AGAP1: variants seen among roughly 807,000 people sequenced by gnomAD.
AGAP1 encodes ArfGAP with GTPase domain, ankyrin repeat and PH domain 1.
Under a neutral mutation model 105.3 loss-of-function variants are expected in AGAP1, and 29 were observed. That is an observed-to-expected ratio of 0.28 (90% CI 0.21 to 0.38). The LOEUF (loss-of-function observed/expected upper bound fraction) is 0.38. AGAP1 is among the 10% of genes least tolerant of loss of function. AGAP1 has a pLI of 1.00. For synonymous variants in AGAP1, 509 were observed against 485.9 expected, an observed-to-expected ratio of 1.05 and a Z score of -0.63; for missense variants, 998 against 1,165.1, an observed-to-expected ratio of 0.86 and a Z score of 2.09.
At position 235,494,726 on chromosome 2, in the gene AGAP1, C is replaced by T. The variant is rs1418853145; in HGVS notation, c.40C>T (p.Arg14Trp). ...GCAGCTGGCCAACTCGGCTGCCATC[C>T]GGGCCGAGATCCAGCGCTTCGAGTC... ...QQQLANSAAI[R>W]AEIQRFESVH... The change falls in exon 1 of 18, where the codon CGG (arginine) becomes TGG (tryptophan). Residue 14 changes from arginine to tryptophan, a missense_variant. Coordinates refer to ENST00000304032, the MANE Select transcript of AGAP1 (RefSeq NM_001037131.3). 2.6e-6 allele frequency: 4 copies of T among 1,562,404 alleles called. No individual in the cohort carries two copies. Among genetic ancestry groups the T allele is most frequent in the Non-Finnish European group, 1.7e-6 (2 of 1,154,484 alleles).
At chr2:235,685,778 T>G (rs1949348512) in intron 1 of AGAP1, among the ~76,000 whole-genome samples, 1 of 152,120 alleles carries the variant, frequency 6.6e-6, no homozygotes, top group South Asian at 2.1e-4. Flanking sequence ...GAAAGTTTAC[T>G]TTGCCAAGGT....
intron 1 of AGAP1, among the ~76,000 whole-genome samples, chr2:235,499,794 C>T (rs1434877163): frequency 6.6e-6 from 1 of 152,232 alleles, no homozygotes; most frequent in East Asian, 1.9e-4. Context: ...GCTGGGAGGT[C>T]TGGAAGCTGG....
chr2:236,040,901 A>C lies in AGAP1; in HGVS notation c.1891+60A>C, dbSNP rs1350645817. 1 of 1,572,470 alleles carries C rather than the reference A, an allele frequency of 6.4e-7. No homozygotes were observed. Among genetic ancestry groups the C allele is most frequent in the African/African-American group, 1.4e-5 (1 of 74,054 alleles). ...GTGTAGCTGGAGACCACATGGTCCC[A>C]CTAGGCCCGGGTTGCAGGGGACTCA... is the stretch of plus-strand genomic sequence containing the variant. On this transcript the variant is annotated intron_variant, in intron 15 of 17. Coordinates refer to ENST00000304032, the MANE Select transcript of AGAP1 (RefSeq NM_001037131.3). The surrounding 1 kb of genome is among the most constrained non-coding windows in gnomAD (Gnocchi z 5.6).
rs80250961 is a variant in AGAP1 at position 236,002,383 on chromosome 2, C to A, written c.1645+33760C>A. ...TTTCCTTCTTCCCTCATCCCCTTTC[C>A]CATCCTCACTCTCTTCCAAGTATCT... On this transcript the variant is annotated intron_variant, in intron 13 of 17. Transcript: ENST00000304032. This position sits in a 1 kb window ranked among gnomAD's most constrained non-coding sequence, Gnocchi z 4.3. Among the ~76,000 whole-genome samples the A allele has an allele frequency of 5.4e-3, 830 of 152,318 alleles. 6 individuals are homozygous for A. Among genetic ancestry groups the A allele is most frequent in the Non-Finnish European group, 8.8e-3 (596 of 68,040 alleles).
In AGAP1 at chr2:236,058,120, G is replaced by C. The variant is rs1261178587; in HGVS notation, c.2114+8839G>C. On this transcript the variant is annotated intron_variant, in intron 16 of 17. Transcript: ENST00000304032. This position sits in a 1 kb window ranked among gnomAD's most constrained non-coding sequence, Gnocchi z 4.6. ...CCTAGGGGGTAGGGTCCAGTGGTGT[G>C]TTTTAACTCTCTAGGTAATTCTTAT... Among the ~76,000 whole-genome samples, 1 of 152,202 alleles carries C rather than the reference G, an allele frequency of 6.6e-6. No individual in the cohort carries two copies. Among genetic ancestry groups the C allele is most frequent in the Non-Finnish European group, 1.5e-5 (1 of 68,028 alleles).
intron 1 of AGAP1, among the ~76,000 whole-genome samples, chr2:235,706,431 T>C (rs907553140): frequency 3.9e-5 from 6 of 152,078 alleles, no homozygotes; most frequent in African/African-American, 7.2e-5. Context: ...GGTTTCACCA[T>C]GTTAGCCAGG....
At chr2:235,918,849 G>A (rs541180810) in intron 11 of AGAP1, among the ~76,000 whole-genome samples, 1 of 152,116 alleles carries the variant, frequency 6.6e-6, no homozygotes, top group East Asian at 1.9e-4. Context: ...CTAAATTAAG[G>A]ATAGCTTCAA....
In AGAP1 at chr2:235,719,572, G is replaced by A. The variant is rs1355315290; in HGVS notation, c.310+1928G>A. ...TACTGCACTGAAATTTCATAGTATT[G>A]TGTATGGTTTTTAAAAATACATTAT... On this transcript the variant is annotated intron_variant, in intron 3 of 17. Coordinates refer to ENST00000304032, the MANE Select transcript of AGAP1 (RefSeq NM_001037131.3). The surrounding 1 kb of genome is among the most constrained non-coding windows in gnomAD (Gnocchi z 4.9). Among the ~76,000 whole-genome samples the A allele has an allele frequency of 1.3e-5, 2 of 152,208 alleles. No individual in the cohort carries two copies. The highest frequency in any genetic ancestry group is 2.9e-5 in the Non-Finnish European group (2 of 68,042).
chr2:235,528,699 C>T (rs767344372), intron 1 of AGAP1, among the ~76,000 whole-genome samples: 4 of 152,076 alleles, frequency 2.6e-5, no homozygotes, highest in Admixed American at 2.6e-4. Flanking sequence ...TTTGAGAAGA[C>T]GGAGTTTCGC....
rs186430738 is a variant in AGAP1, at chr2:235,864,304, G to A, written c.1051-19041G>A. Among the ~76,000 whole-genome samples, 7 of 152,312 alleles carry A rather than the reference G, an allele frequency of 4.6e-5. No individual in the cohort carries two copies. The highest frequency in any genetic ancestry group is 1.4e-4 in the African/African-American group (6 of 41,562). Reference sequence around the variant, plus strand: ...ATGCCCCCATCATGTGAAGGGGTTCGGCTCACTCTGTGGCCGGCCTGGAGG... The same window carrying A: ...ATGCCCCCATCATGTGAAGGGGTTCAGCTCACTCTGTGGCCGGCCTGGAGG... On this transcript the variant is annotated intron_variant, in intron 9 of 17. Coordinates refer to ENST00000304032, the MANE Select transcript of AGAP1 (RefSeq NM_001037131.3). The surrounding 1 kb of genome is among the most constrained non-coding windows in gnomAD (Gnocchi z 5.0).
At chr2:235,604,084 T>TC (rs397751581) in intron 1 of AGAP1, among the ~76,000 whole-genome samples, 1 of 151,320 alleles carries the variant, frequency 6.6e-6, no homozygotes, top group Non-Finnish European at 1.5e-5. Context: ...ATTTTTTTTT[T>TC]CCTTTTAATA....
intron 13 of AGAP1, among the ~76,000 whole-genome samples, chr2:236,008,370 G>A (rs776456947): frequency 5.3e-5 from 8 of 152,208 alleles, no homozygotes; most frequent in East Asian, 1.9e-4. Flanking sequence ...CAGGTACTCC[G>A]TGAAAACAGG....
intron 13 of AGAP1, among the ~76,000 whole-genome samples, chr2:236,015,440 A>G (rs1207185159): frequency 2.0e-5 from 3 of 152,216 alleles, no homozygotes; most frequent in East Asian, 3.8e-4. Flanking sequence ...TCTGGTGCCA[A>G]AGTTCACAAA....
At position 235,976,288 on chromosome 2, in the gene AGAP1, G is replaced by A. The variant is rs1287300658; in HGVS notation, c.1645+7665G>A. 6.6e-6 allele frequency among the ~76,000 whole-genome samples: 1 copy of A among 152,124 alleles called. No individual in the cohort carries two copies. Among genetic ancestry groups the A allele is most frequent in the Non-Finnish European group, 1.5e-5 (1 of 68,036 alleles). On this transcript the variant is annotated intron_variant, in intron 13 of 17. Coordinates refer to ENST00000304032, the MANE Select transcript of AGAP1 (RefSeq NM_001037131.3). The surrounding 1 kb of genome is among the most constrained non-coding windows in gnomAD (Gnocchi z 4.5). The stretch of plus-strand genomic sequence containing the variant: ...AGAATGAACTTGCTGAAATTGAGTA[G>A]ATCATCTGGGTTTACTCTAGACATT...
At chr2:235,536,551 A>ACCC (rs1943237924) in intron 1 of AGAP1, among the ~76,000 whole-genome samples, 1 of 136,582 alleles carries the variant, frequency 7.3e-6, no homozygotes, top group Non-Finnish European at 1.5e-5. Flanking sequence ...ATACAGCAGG[A>ACCC]CCCCCGGGTT....
intron 1 of AGAP1, among the ~76,000 whole-genome samples, chr2:235,682,255 G>T (rs1228455993): frequency 6.6e-6 from 1 of 152,104 alleles, no homozygotes; most frequent in Non-Finnish European, 1.5e-5. Flanking sequence ...CTCCTTTCAA[G>T]CTGGGCATAT....
At chr2:235,910,064 A>G (rs1362141078) in intron 11 of AGAP1, among the ~76,000 whole-genome samples, 1 of 152,066 alleles carries the variant, frequency 6.6e-6, no homozygotes, top group Non-Finnish European at 1.5e-5. Context: ...CTGGTCTTTG[A>G]TGCTGCACTT....
At position 236,090,003 on chromosome 2, in the gene AGAP1, C is replaced by T. The variant is rs185125995; in HGVS notation, c.2115-30189C>T. ...CAACCTTATGCCTGTACAGCAGCTC[C>T]CTGGCTGCAAATGAATCCATCGGAT... On this transcript the variant is annotated intron_variant, in intron 16 of 17. Transcript: ENST00000304032. This position sits in a 1 kb window ranked among gnomAD's most constrained non-coding sequence, Gnocchi z 4.3. Among the ~76,000 whole-genome samples the T allele has an allele frequency of 1.6e-3, 241 of 152,236 alleles. No individual in the cohort carries two copies. Among genetic ancestry groups the T allele is most frequent in the African/African-American group, 5.5e-3 (227 of 41,542 alleles).
chr2:235,529,072 C>T (rs932785707), intron 1 of AGAP1, among the ~76,000 whole-genome samples: 15 of 152,244 alleles, frequency 9.9e-5, no homozygotes, highest in Admixed American at 2.0e-4. Flanking sequence ...CAAAACACCA[C>T]GTCCCCTTGC....
Sources: allele counts gnomAD v4.1 joint callset (sites outside exome capture counted in the v4.1 genomes callset), GRCh38; gene constraint gnomAD v4.1.1; non-coding constraint Gnocchi (gnomAD v3.1); transcripts MANE v1.5; gene names NCBI Gene and HGNC (gene_info 2026-07-23, HGNC 2026-07-21).